XRN2: variants seen among roughly 807,000 people sequenced by gnomAD.
XRN2 encodes the protein 5'-3' exoribonuclease 2, also known as DHM1-like protein.
Under a neutral mutation model 138.5 loss-of-function variants are expected in XRN2, and 44 were observed. The ratio of observed to expected loss-of-function variants is 0.32; its 90% CI spans 0.25 to 0.41. XRN2 has a LOEUF of 0.41. Among genes scored for constraint, XRN2 ranks in the 10% least tolerant of loss-of-function variants. The pLI is 1.00. For synonymous variants in XRN2, 354 were observed against 369.4 expected (o/e 0.96, Z 0.48); for missense variants, 937 against 1,169.3 (o/e 0.80, Z 2.90).
intron 14 of XRN2, among the ~76,000 whole-genome samples, chr20:21,340,221 G>C (rs2038353584): frequency 6.6e-6 from 1 of 152,096 alleles, no homozygotes; most frequent in Admixed American, 6.6e-5. Context: ...CTTGAATTCA[G>C]GAAGCAGAGG....
Position 21,340,801 on chromosome 20 carries a change from A to G in XRN2, c.1359A>G (p.Val453=). Residue 453 remains valine (V), a synonymous_variant, in exon 15 of 30, where the codon GTA becomes GTG. Coordinates refer to ENST00000377191, the MANE Select transcript of XRN2 (RefSeq NM_012255.5). ...LGSRNSPGSQ[V]ASNPRQAAYE... ...CAAGAAATTCACCAGGTTCTCAAGT[A>G]GCCAGTAATCCGAGACAAGCAGCCT... 6.2e-7 allele frequency: 1 copy of G among 1,614,062 alleles called. No homozygotes were observed. Among genetic ancestry groups the G allele is most frequent in the Non-Finnish European group, 8.5e-7 (1 of 1,179,924 alleles).
At chr20:21,331,398 T>TCCACAC (rs1568574884) in intron 6 of XRN2, among the ~76,000 whole-genome samples, 163 bp from the exon 7 acceptor site, 3 of 94,146 alleles carry the variant, frequency 3.2e-5, no homozygotes, top group African/African-American at 1.2e-4. Flanking sequence ...TTTGGTGTTT[T>TCCACAC]TCACACACAC....
At chr20:21,332,030 T>C (rs1254998599) in intron 8 of XRN2, among the ~76,000 whole-genome samples, 2 of 152,172 alleles carry the variant, frequency 1.3e-5, no homozygotes, top group African/African-American at 4.8e-5. Flanking sequence ...TTCAACCTTT[T>C]AACTCCCCAT....
At chr20:21,309,432 C>T (rs560677414) in intron 1 of XRN2, among the ~76,000 whole-genome samples, 1 of 152,178 alleles carries the variant, frequency 6.6e-6, no homozygotes, top group Non-Finnish European at 1.5e-5. Context: ...TCATCTAAGT[C>T]AAGCTTGTCC....
chr20:21,305,315 TG>T (rs1189057349), intron 1 of XRN2, among the ~76,000 whole-genome samples: 2 of 152,192 alleles, frequency 1.3e-5, no homozygotes, highest in Non-Finnish European at 2.9e-5. Flanking sequence ...TGGAGTACGG[TG>T]GCATGATCTC....
At chr20:21,348,289 A>T in intron 18 of XRN2, 36 bp downstream of exon 18, 1 of 1,611,720 alleles carries the variant, frequency 6.2e-7, no homozygotes, top group Non-Finnish European at 8.5e-7. Context: ...AAGTTTATAG[A>T]ATTCTGGATT....
chr20:21,382,207 A>G (rs1009219325), intron 28 of XRN2, 150 bp downstream of exon 28: 1 of 507,456 alleles, frequency 2.0e-6, no homozygotes, highest in South Asian at 4.1e-5. Flanking sequence ...TTAAGAAAAT[A>G]TATAGCTAAT....
At chr20:21,373,318 T>G (rs1275693667) in intron 27 of XRN2, among the ~76,000 whole-genome samples, 1 of 152,222 alleles carries the variant, frequency 6.6e-6, no homozygotes, top group Non-Finnish European at 1.5e-5. Context: ...GTTCATCTGT[T>G]TTCATTGCTT....
chr20:21,325,738 T>G (rs181493137), intron 1 of XRN2, among the ~76,000 whole-genome samples: 25 of 152,222 alleles, frequency 1.6e-4, no homozygotes, highest in Admixed American at 5.9e-4. Flanking sequence ...TGAGAATCAT[T>G]AGAAAAATTA....
intron 28 of XRN2, among the ~76,000 whole-genome samples, chr20:21,385,601 G>A (rs1342596647): frequency 6.6e-6 from 1 of 152,148 alleles, no homozygotes; most frequent in East Asian, 1.9e-4. Context: ...CCTTTCTAGA[G>A]TTCTTTAGAG....
At chr20:21,346,320 G>T in intron 16 of XRN2, 95 bp from the exon 17 acceptor site, 1 of 1,468,494 alleles carries the variant, frequency 6.8e-7, no homozygotes, top group Non-Finnish European at 9.4e-7. Context: ...TTTCCCCTGG[G>T]TATTAAATAT....
intron 27 of XRN2, among the ~76,000 whole-genome samples, chr20:21,370,949 C>T (rs868862940): frequency 1.3e-5 from 2 of 152,212 alleles, no homozygotes; most frequent in Admixed American, 6.5e-5. Flanking sequence ...ACAAGGGCAG[C>T]ATGGGGGAGA....
chr20:21,338,831 C>G (rs1394715357), intron 13 of XRN2, among the ~76,000 whole-genome samples: 1 of 152,134 alleles, frequency 6.6e-6, no homozygotes, highest in Non-Finnish European at 1.5e-5. Context: ...TTACCAAGAT[C>G]AATTGAATTG....
rs745370306 is a variant in XRN2, at chr20:21,333,990, C to G, written c.1121C>G (p.Thr374Ser). 3.7e-6 allele frequency: 6 copies of G among 1,614,064 alleles called. No homozygotes were observed. In the South Asian group the frequency reaches 6.6e-5, roughly 18 times the overall value. ...VNIYKNVVHK[T>S]GGYLTESGYV... ...ATATACAAAAATGTGGTACACAAAA[C>G]TGGGGTAAGTTCATTCTTGAATGAT... is the stretch of plus-strand genomic sequence containing the variant. The change falls in exon 12 of 30, where the codon ACT becomes AGT. Residue 374 changes from threonine to serine, a missense_variant. Around this residue, in one of 6 missense-constraint regions of XRN2, gnomAD observed 471 missense variants for 581.2 expected, o/e 0.81. Coordinates refer to ENST00000377191, the MANE Select transcript of XRN2 (RefSeq NM_012255.5).
intron 13 of XRN2, among the ~76,000 whole-genome samples, chr20:21,335,971 A>G (rs182332332): frequency 3.9e-5 from 6 of 152,274 alleles, no homozygotes; most frequent in African/African-American, 1.4e-4. Flanking sequence ...CGCAATAGGA[A>G]AGTTTCCAGA....
In XRN2 at chr20:21,303,423, T is replaced by G; in HGVS notation, c.25T>G (p.Trp9Gly). 6.5e-7 allele frequency: 1 copy of G among 1,548,816 alleles called. No homozygotes were observed. Among genetic ancestry groups the G allele is most frequent in the Non-Finnish European group, 8.7e-7 (1 of 1,146,122 alleles). MGVPAFFR[W>G]LSRKYPSIIV... ...TATGGGAGTCCCGGCGTTCTTCCGCTGGCTCAGCCGCAAGTACCCGTCCAT... is the reference window on the plus strand; with the variant it reads ...TATGGGAGTCCCGGCGTTCTTCCGCGGGCTCAGCCGCAAGTACCCGTCCAT... Residue 9 changes from tryptophan to glycine, a missense_variant, in exon 1 of 30, where the codon TGG becomes GGG. By Grantham distance (184) the Trp-to-Gly change is radical (BLOSUM62 -2). Transcript: ENST00000377191.
intron 27 of XRN2, among the ~76,000 whole-genome samples, chr20:21,375,966 G>A (rs1445217706): frequency 6.6e-6 from 1 of 151,570 alleles, no homozygotes; most frequent in Non-Finnish European, 1.5e-5. Context: ...AGCCTCCTGA[G>A]TAGCTCGGAC....
chr20:21,385,293 CCA>C (rs1398520799), intron 28 of XRN2, among the ~76,000 whole-genome samples: 1 of 152,090 alleles, frequency 6.6e-6, no homozygotes, highest in East Asian at 1.9e-4. Flanking sequence ...ATTAATTGGC[CCA>C]GTTTTGATGA....
chr20:21,376,984 A>G (rs2038829668), intron 27 of XRN2, among the ~76,000 whole-genome samples: 1 of 152,160 alleles, frequency 6.6e-6, no homozygotes, highest in African/African-American at 2.4e-5. Context: ...CTCAAAAAAG[A>G]GTTGAATAGA....
Sources: allele counts gnomAD v4.1 joint callset (sites outside exome capture counted in the v4.1 genomes callset), GRCh38; gene constraint gnomAD v4.1.1; regional missense constraint gnomAD v4.1.1; transcripts MANE v1.5; gene names NCBI Gene and HGNC (gene_info 2026-07-23, HGNC 2026-07-21).